BRINP2: variants seen among roughly 807,000 people sequenced by gnomAD.
BRINP2 encodes BMP/retinoic acid-inducible neural-specific protein 2.
Under a neutral mutation model 69.2 loss-of-function variants are expected in BRINP2, and 21 were observed. The observed-to-expected ratio is 0.30, with a 90% CI of 0.22 to 0.44. The LOEUF (loss-of-function observed/expected upper bound fraction) is 0.44, where lower values mean the gene tolerates loss of function less well. BRINP2 is among the 20% of genes least tolerant of loss of function. The pLI, the probability that BRINP2 is intolerant of heterozygous loss-of-function variation, is 1.00. For synonymous variants in BRINP2, 380 were observed against 394.1 expected (o/e 0.96, Z 0.42); for missense variants, 877 against 986.0 (o/e 0.89, Z 1.48).
rs1651713259 is a variant in BRINP2, at chr1:177,281,767, C to A, written c.*239C>A. 4.9e-6 allele frequency: 2 copies of A among 407,666 alleles called. No individual in the cohort carries two copies. Among genetic ancestry groups the A allele is most frequent in the East Asian group, 7.6e-5 (2 of 26,386 alleles). 25.3% of individuals were successfully genotyped at this position (407,666 alleles called of 1,614,324 possible). Reference sequence around the variant, plus strand: ...GCACAGGGAGGCTACAACTAAGCAGCCTCAGATCTGTAAAGTTGATTGGTG... The same window carrying A: ...GCACAGGGAGGCTACAACTAAGCAGACTCAGATCTGTAAAGTTGATTGGTG... On this transcript the variant is annotated 3_prime_UTR_variant, in exon 8 of 8. Transcript: ENST00000361539.
chr1:177,275,935 A>G (rs1571949299), intron 5 of BRINP2, among the ~76,000 whole-genome samples: 1 of 152,326 alleles, frequency 6.6e-6, no homozygotes, highest in African/African-American at 2.4e-5. Flanking sequence ...CACGCTCTCA[A>G]TTTGGCTGAT....
In BRINP2 at chr1:177,280,967, C is replaced by T. The variant is rs774037708; in HGVS notation, c.1791C>T (p.His597=). The T allele has an allele frequency of 1.8e-5, 29 of 1,614,192 alleles. No individual in the cohort carries two copies. Among genetic ancestry groups the T allele is most frequent in the Non-Finnish European group, 2.5e-5 (29 of 1,180,044 alleles). The change falls in exon 8 of 8, where the codon CAC becomes CAT. Residue 597 remains histidine (H), a synonymous_variant. Transcript: ENST00000361539. The part of the protein sequence containing the change: ...AIYVNPFGGS[H]SESWFMPVNE... ...ACGTCAACCCCTTTGGGGGCAGCCA[C>T]TCTGAGAGCTGGTTCATGCCTGTGA... is the stretch of plus-strand genomic sequence containing the variant.
chr1:177,196,004 A>G lies in BRINP2; in HGVS notation c.-77+24272A>G, dbSNP rs1022862969. Among the ~76,000 whole-genome samples the G allele has an allele frequency of 2.6e-5, 4 of 152,162 alleles. No homozygotes were observed. The South Asian group carries it at 8.3e-4, about 32-fold the overall frequency. ...CTCCCTGGGTTATTTTAAGATTTTG[A>G]TGACACGCTGAATATGAAAGTGCTT... is the stretch of plus-strand genomic sequence containing the variant. On this transcript the variant is annotated intron_variant, in intron 1 of 7. Coordinates refer to ENST00000361539, the MANE Select transcript of BRINP2 (RefSeq NM_021165.4).
intron 4 of BRINP2, among the ~76,000 whole-genome samples, chr1:177,272,770 C>A (rs1230655516): frequency 1.3e-5 from 2 of 152,162 alleles, no homozygotes; most frequent in Non-Finnish European, 2.9e-5. Context: ...CCGCAGGTCC[C>A]CATCATTCTT....
chr1:177,207,224 A>G (rs1649092482), intron 1 of BRINP2, among the ~76,000 whole-genome samples: 1 of 152,158 alleles, frequency 6.6e-6, no homozygotes, highest in Admixed American at 6.5e-5. Context: ...CCTGCTGCAA[A>G]TAAATCCTAT....
chr1:177,200,235 T>TAA (rs565889768), intron 1 of BRINP2, among the ~76,000 whole-genome samples: 22,209 of 137,232 alleles, frequency 0.16, 3,217 homozygotes, highest in African/African-American at 0.39. Flanking sequence ...GAGGTTGCAG[T>TAA]GAGCTGAGAT....
At chr1:177,202,197 T>C (rs1416327762) in intron 1 of BRINP2, among the ~76,000 whole-genome samples, 1 of 151,948 alleles carries the variant, frequency 6.6e-6, no homozygotes, top group Non-Finnish European at 1.5e-5. Context: ...GTGTCTCTAT[T>C]TCCTTCAGTT....
intron 1 of BRINP2, among the ~76,000 whole-genome samples, chr1:177,212,228 A>G (rs1649243981): frequency 2.0e-5 from 3 of 152,140 alleles, no homozygotes; most frequent in South Asian, 4.1e-4. Flanking sequence ...TCCTTTTGAC[A>G]TACACCCATT....
At chr1:177,191,824 C>A (rs1275847441) in intron 1 of BRINP2, among the ~76,000 whole-genome samples, 2 of 152,056 alleles carry the variant, frequency 1.3e-5, no homozygotes, top group Non-Finnish European at 2.9e-5. Context: ...GCAGAAGGGA[C>A]CCAGACTGAA....
chr1:177,241,851 T>C (rs890318484), intron 2 of BRINP2, among the ~76,000 whole-genome samples: 5 of 152,220 alleles, frequency 3.3e-5, no homozygotes, highest in African/African-American at 1.2e-4. Flanking sequence ...AGGGTGACTC[T>C]TCTGGAGCTG....
chr1:177,272,768 C>A (rs1651369392), intron 4 of BRINP2, among the ~76,000 whole-genome samples: 1 of 152,206 alleles, frequency 6.6e-6, no homozygotes, highest in African/African-American at 2.4e-5. Context: ...GGCCGCAGGT[C>A]CCCATCATTC....
intron 2 of BRINP2, among the ~76,000 whole-genome samples, chr1:177,248,834 T>C (rs1484951215): frequency 1.3e-5 from 2 of 152,214 alleles, no homozygotes; most frequent in Non-Finnish European, 2.9e-5. Context: ...TTACATCTTT[T>C]GAATTAGGAA....
chr1:177,235,860 G>A (rs1650004693), intron 2 of BRINP2, among the ~76,000 whole-genome samples: 1 of 152,134 alleles, frequency 6.6e-6, no homozygotes, highest in African/African-American at 2.4e-5. Context: ...AGGTGGATGG[G>A]AAAAAGGAAG....
chr1:177,223,445 A>AGATTTAC (rs1649602085), intron 1 of BRINP2, among the ~76,000 whole-genome samples: 1 of 152,140 alleles, frequency 6.6e-6, no homozygotes, highest in Non-Finnish European at 1.5e-5. Context: ...CTTGTTCATG[A>AGATTTAC]GATTTACTCC....
chr1:177,204,758 T>C (rs1456809922), intron 1 of BRINP2, among the ~76,000 whole-genome samples: 1 of 152,162 alleles, frequency 6.6e-6, no homozygotes, highest in Non-Finnish European at 1.5e-5. Context: ...ATGAAGCAAA[T>C]TTTAACTACC....
At chr1:177,205,977 A>G (rs1418769444) in intron 1 of BRINP2, among the ~76,000 whole-genome samples, 3 of 152,256 alleles carry the variant, frequency 2.0e-5, no homozygotes, top group Admixed American at 2.0e-4. Flanking sequence ...TTTCAAGGCT[A>G]GGTCATGAAA....
chr1:177,278,952 C>A (rs776642321), intron 7 of BRINP2, among the ~76,000 whole-genome samples, 167 bp downstream of exon 7: 8 of 152,056 alleles, frequency 5.3e-5, no homozygotes, highest in South Asian at 2.1e-4. Context: ...CTGTGAGTTG[C>A]GTCTGAAGTG....
At chr1:177,244,882 C>A (rs889642902) in intron 2 of BRINP2, among the ~76,000 whole-genome samples, 4 of 152,116 alleles carry the variant, frequency 2.6e-5, no homozygotes, top group African/African-American at 9.7e-5. Flanking sequence ...GGCCCCAAAT[C>A]AGCACACAGT....
chr1:177,236,366 A>G (rs540033071), intron 2 of BRINP2, among the ~76,000 whole-genome samples: 30 of 152,328 alleles, frequency 2.0e-4, no homozygotes, highest in African/African-American at 7.0e-4. Flanking sequence ...ACCTATATGG[A>G]ACCCTCTTAT....
Sources: allele counts gnomAD v4.1 joint callset (sites outside exome capture counted in the v4.1 genomes callset), GRCh38; gene constraint gnomAD v4.1.1; transcripts MANE v1.5; gene names NCBI Gene and HGNC (gene_info 2026-07-23, HGNC 2026-07-21).